Variants in FMN1 observed in about 807,000 individuals in gnomAD.
FMN1 encodes the protein formin 1.
FMN1 carries 110 observed loss-of-function variants against 132.4 expected under a neutral mutation model. The ratio of observed to expected loss-of-function variants is 0.83; its 90% CI spans 0.71 to 0.97. The LOEUF (loss-of-function observed/expected upper bound fraction) is 0.97. FMN1 is among the 50% of genes least tolerant of loss of function. FMN1 has a pLI of 0.00. For missense variants in FMN1, 1,792 were observed against 1,705.3 expected, an observed-to-expected ratio of 1.05 and a Z score of -0.90; for synonymous variants, 722 against 651.7, an observed-to-expected ratio of 1.11 and a Z score of -1.64.
At chr15:32,956,269 A>T (rs1012267573) in intron 9 of FMN1, among the ~76,000 whole-genome samples, 2 of 152,204 alleles carry the variant, frequency 1.3e-5, no homozygotes, top group African/African-American at 2.4e-5. Flanking sequence ...AACAGCCAAC[A>T]AGAGAAACAT....
chr15:32,995,848 T>G (rs752027883), intron 7 of FMN1, among the ~76,000 whole-genome samples: 25 of 152,218 alleles, frequency 1.6e-4, no homozygotes, highest in African/African-American at 2.4e-5. Context: ...GTTTCCTTCA[T>G]AAAACTATGG....
intron 4 of FMN1, among the ~76,000 whole-genome samples, chr15:33,145,033 G>C (rs1964161351): frequency 6.6e-6 from 1 of 152,094 alleles, no homozygotes; most frequent in Non-Finnish European, 1.5e-5. Flanking sequence ...GTAATAACAA[G>C]CTAAAAAATC....
rs1388111387 is a variant in FMN1, at chr15:32,765,642, TAAAAC to T, written c.*8663_*8667del. The stretch of plus-strand genomic sequence containing the variant: ...TAAATTCCAAAAAATATAATTCTCT[TAAAAC>T]AAATTAACAGAGGTATCAACAGATT... On this transcript the variant is annotated 3_prime_UTR_variant, in exon 21 of 21. Coordinates refer to ENST00000616417, the MANE Select transcript of FMN1 (RefSeq NM_001277313.2). 6.6e-5 allele frequency: 8 copies of T among 120,870 alleles called. No individual in the cohort carries two copies. The highest frequency in any genetic ancestry group is 4.3e-4 in the Admixed American group (5 of 11,536). The allele number at this position is 120,870 out of a possible 1,614,324, so 7.5% of individuals were successfully genotyped here. A position where few individuals can be genotyped will look rare whatever the true frequency, so the allele number is the denominator to read the frequency against.
At chr15:33,190,725 A>G (rs1398312459) in intron 2 of FMN1, among the ~76,000 whole-genome samples, 1 of 152,150 alleles carries the variant, frequency 6.6e-6, no homozygotes, top group Non-Finnish European at 1.5e-5. Context: ...GGCCTGTGGC[A>G]GGGGTGTGAG....
chr15:32,867,779 C>A (rs1272696977), intron 16 of FMN1, among the ~76,000 whole-genome samples: 2 of 152,238 alleles, frequency 1.3e-5, no homozygotes, highest in African/African-American at 2.4e-5. Context: ...GCGTGAGCCA[C>A]CGCGCCCGGC....
intron 6 of FMN1, among the ~76,000 whole-genome samples, chr15:33,018,925 G>C (rs755515852): frequency 6.6e-6 from 1 of 152,198 alleles, no homozygotes; most frequent in Non-Finnish European, 1.5e-5. Context: ...TGAAGCTGCA[G>C]ACCTTCCTGG....
intron 15 of FMN1, among the ~76,000 whole-genome samples, chr15:32,894,319 T>TA (rs1274428507): frequency 2.6e-5 from 4 of 152,002 alleles, no homozygotes; most frequent in Non-Finnish European, 5.9e-5. Context: ...ACCCCGTTTC[T>TA]GCTAAAAATA....
chr15:32,908,523 T>A lies in FMN1; in HGVS notation c.3344A>T (p.Glu1115Val). 1 of 1,612,672 alleles carries A rather than the reference T, an allele frequency of 6.2e-7. No individual in the cohort carries two copies. The highest frequency in any genetic ancestry group is 1.1e-5 in the South Asian group (1 of 91,052). The change falls in exon 12 of 21, where the codon GAA becomes GTA. Residue 1115 changes from glutamate (E) to valine (V), a missense_variant. Glu to Val is a moderately radical substitution (Grantham distance 121). Transcript: ENST00000616417. Reference protein sequence around the residue: ...KIRKYYETSKEEELKLLDKPE... With the variant: ...KIRKYYETSKVEELKLLDKPE... ...TTTATCCAGCAGCTTCAGTTCTTCT[T>A]CTTTGGATGTCTCGTAATACTTTCT...
chr15:32,820,700 C>T (rs138617174), intron 17 of FMN1, among the ~76,000 whole-genome samples: 1,787 of 152,210 alleles, frequency 0.012, 15 homozygotes, highest in Non-Finnish European at 0.019. Context: ...TGTCAGTCCT[C>T]CACAATGATA....
At chr15:32,997,741 A>G (rs1382168817) in intron 7 of FMN1, among the ~76,000 whole-genome samples, 1 of 152,136 alleles carries the variant, frequency 6.6e-6, no homozygotes, top group Admixed American at 6.6e-5. Context: ...AACACAGACC[A>G]TACCCAATTT....
At chr15:33,181,721 T>G (rs1453227831) in intron 2 of FMN1, among the ~76,000 whole-genome samples, 1 of 149,462 alleles carries the variant, frequency 6.7e-6, no homozygotes, top group African/African-American at 2.5e-5. Context: ...TTTTTTTTTT[T>G]TTTTGAGATG....
At chr15:32,953,244 C>G (rs1274543083) in intron 9 of FMN1, among the ~76,000 whole-genome samples, 1 of 152,226 alleles carries the variant, frequency 6.6e-6, no homozygotes, top group Non-Finnish European at 1.5e-5. Flanking sequence ...AGGGGCCTCG[C>G]TGACCCATAA....
At chr15:32,912,558 G>A (rs570601217) in intron 10 of FMN1, among the ~76,000 whole-genome samples, 2 of 152,240 alleles carry the variant, frequency 1.3e-5, no homozygotes, top group African/African-American at 4.8e-5. Flanking sequence ...TTACTATGAA[G>A]AAAGTAAAAC....
intron 10 of FMN1, among the ~76,000 whole-genome samples, chr15:32,925,250 CATT>C (rs1386913543): frequency 1.3e-5 from 2 of 152,150 alleles, no homozygotes; most frequent in African/African-American, 2.4e-5. Context: ...ATTAGTACAT[CATT>C]ATTTTGAAAA....
At chr15:33,137,858 T>C (rs1278847598) in intron 4 of FMN1, among the ~76,000 whole-genome samples, 5 of 152,132 alleles carry the variant, frequency 3.3e-5, no homozygotes, top group Admixed American at 1.3e-4. Flanking sequence ...GGCACAGTCA[T>C]GAAGAGATGA....
chr15:32,857,208 A>G (rs2059153977), intron 16 of FMN1, 101 bp from the exon 17 acceptor site: 3 of 852,844 alleles, frequency 3.5e-6, no homozygotes, highest in Non-Finnish European at 5.8e-6. Flanking sequence ...AATTGTGCAC[A>G]CTCCTTGTCA....
chr15:33,067,629 G>C, intron 5 of FMN1: 1 of 1,613,992 alleles, frequency 6.2e-7, no homozygotes. Flanking sequence ...GGTGAAACCC[G>C]AGACCCTGCT....
chr15:33,024,032 G>A (rs2035547871), intron 6 of FMN1, among the ~76,000 whole-genome samples: 2 of 151,736 alleles, frequency 1.3e-5, no homozygotes, highest in African/African-American at 2.4e-5. Context: ...TTAGCATCCA[G>A]AATAAAGAAA....
intron 4 of FMN1, among the ~76,000 whole-genome samples, chr15:33,133,839 A>G (rs777483348): frequency 2.7e-4 from 41 of 152,258 alleles, no homozygotes; most frequent in Non-Finnish European, 5.3e-4. Context: ...ATGAAACATT[A>G]GTCCAGGATA....
Sources: gnomAD v4.1 joint callset for allele counts (sites outside exome capture counted in the v4.1 genomes callset) on GRCh38, gnomAD v4.1.1 for gene constraint, MANE v1.5 for transcripts, NCBI Gene and HGNC (gene_info 2026-07-23, HGNC 2026-07-21) for gene names.